Variants in ATP6V1A observed in about 807,000 individuals in gnomAD.
The protein encoded by ATP6V1A is V-type proton ATPase catalytic subunit A.
Under a neutral mutation model 70.1 loss-of-function variants are expected in ATP6V1A, and 18 were observed. That is an observed-to-expected ratio of 0.26 (90% CI 0.18 to 0.38). The LOEUF (loss-of-function observed/expected upper bound fraction) is 0.38. Among genes scored for constraint, ATP6V1A ranks in the 10% least tolerant of loss-of-function variants. The pLI, the probability that ATP6V1A is intolerant of heterozygous loss-of-function variation, is 1.00. For synonymous variants in ATP6V1A, 232 were observed against 253.8 expected (o/e 0.91, Z 0.82); for missense variants, 424 against 772.4 (o/e 0.55, Z 5.35).
chr3:113,754,669 A>G (rs539905824), intron 1 of ATP6V1A, among the ~76,000 whole-genome samples: 2 of 152,344 alleles, frequency 1.3e-5, no homozygotes, highest in East Asian at 3.9e-4. Context: ...CTTAGAGTGT[A>G]GAGCACATTG....
intron 14 of ATP6V1A, among the ~76,000 whole-genome samples, chr3:113,806,255 A>G (rs1577097586): frequency 1.3e-5 from 2 of 152,136 alleles, no homozygotes; most frequent in South Asian, 4.1e-4. Context: ...GTCTCAAAAA[A>G]CAAAAAAAAT....
In ATP6V1A at chr3:113,750,509, A is replaced by C. The variant is rs75159373; in HGVS notation, c.-14+3396A>C. Among the ~76,000 whole-genome samples the C allele has an allele frequency of 5.7e-3, 865 of 152,204 alleles. 4 individuals carry two copies. The highest frequency in any genetic ancestry group is 8.9e-3 in the Non-Finnish European group (608 of 67,994). On this transcript the variant is annotated intron_variant, in intron 1 of 14. Transcript: ENST00000273398. ...AAAAAACAAAAACAAAAACAAAAAA[A>C]ACTAAGTGGTGTGTAAAATGGTAAA...
intron 1 of ATP6V1A, among the ~76,000 whole-genome samples, chr3:113,773,953 C>A (rs374006433): frequency 1.8e-4 from 27 of 152,146 alleles, no homozygotes; most frequent in African/African-American, 5.8e-4. Context: ...TGTCTTACTT[C>A]ATTATATTTT....
rs1169241619 is a variant in ATP6V1A, at chr3:113,810,050, T to G, written c.*623T>G. The G allele has an allele frequency of 6.6e-6, 1 of 151,040 alleles. No individual in the cohort carries two copies. The highest frequency in any genetic ancestry group is 2.4e-5 in the African/African-American group (1 of 41,230). 9.4% of individuals were successfully genotyped at this position (151,040 alleles called of 1,614,324 possible). A position where few individuals can be genotyped will look rare whatever the true frequency, so the allele number is the denominator to read the frequency against. On this transcript the variant is annotated 3_prime_UTR_variant, in exon 15 of 15. Coordinates refer to ENST00000273398, the MANE Select transcript of ATP6V1A (RefSeq NM_001690.4). ...TTTTATTTTTTATTTTTTTTATTAT[T>G]TTTTTTTTGGGGACGGAGTGTCCCT...
intron 1 of ATP6V1A, among the ~76,000 whole-genome samples, chr3:113,755,518 T>C (rs182964341): frequency 6.6e-6 from 1 of 152,090 alleles, no homozygotes; most frequent in East Asian, 1.9e-4. Flanking sequence ...GGAGGATTGC[T>C]TGAGCCTGGG....
chr3:113,759,665 T>G (rs766548773), intron 1 of ATP6V1A, among the ~76,000 whole-genome samples: 18 of 152,206 alleles, frequency 1.2e-4, no homozygotes, highest in Non-Finnish European at 1.8e-4. Context: ...TCTGTGATGG[T>G]AATATTTGGA....
intron 1 of ATP6V1A, among the ~76,000 whole-genome samples, chr3:113,759,304 C>A (rs1373371151): frequency 1.3e-5 from 1 of 78,522 alleles, no homozygotes; most frequent in African/African-American, 4.9e-5. Flanking sequence ...TTTTTTTTTG[C>A]ATTTTATGTA....
rs1230646299 is a variant in ATP6V1A, at chr3:113,809,376, T to C, written c.1803T>C (p.Tyr601=). 1.2e-6 allele frequency: 2 copies of C among 1,614,010 alleles called. No homozygotes were observed. The highest frequency in any genetic ancestry group is 8.5e-7 in the Non-Finnish European group (1 of 1,179,896). ...GTGAGGCAAAGATCAAAAGCGACTATGCACAACTTCTTGAAGACATGCAGA... is the reference window on the plus strand; with the variant it reads ...GTGAGGCAAAGATCAAAAGCGACTACGCACAACTTCTTGAAGACATGCAGA... ...KDGEAKIKSD[Y]AQLLEDMQNA... The change falls in exon 15 of 15, where the codon TAT becomes TAC. Residue 601 remains tyrosine (Y), a synonymous_variant. Coordinates refer to ENST00000273398, the MANE Select transcript of ATP6V1A (RefSeq NM_001690.4).
In ATP6V1A at chr3:113,777,735, G is replaced by A. The variant is rs185789591; in HGVS notation, c.-13-1006G>A. The stretch of plus-strand genomic sequence containing the variant: ...ACCATTACACTCCTGCCAAATCGAC[G>A]GAGACAGACTGTGTTAGAAAAAAAG... On this transcript the variant is annotated intron_variant, in intron 1 of 14. Transcript: ENST00000273398. Among the ~76,000 whole-genome samples the A allele has an allele frequency of 2.0e-4, 30 of 152,246 alleles. 1 individual carries two copies. Among genetic ancestry groups the A allele is most frequent in the South Asian group, 6.2e-4 (3 of 4,828 alleles).
At chr3:113,794,773 G>C in intron 8 of ATP6V1A, 99 bp from the exon 9 acceptor site, 3 of 1,381,314 alleles carry the variant, frequency 2.2e-6, no homozygotes, top group Middle Eastern at 2.6e-4. Context: ...AGCAGTCTAC[G>C]TTGTGTACTT....
chr3:113,800,077 A>C (rs1709193136), intron 12 of ATP6V1A, among the ~76,000 whole-genome samples: 1 of 151,952 alleles, frequency 6.6e-6, no homozygotes, highest in South Asian at 2.1e-4. Context: ...CTAAAAATAC[A>C]AAAAATTAGC....
intron 6 of ATP6V1A, among the ~76,000 whole-genome samples, chr3:113,787,169 T>C (rs1375483562): frequency 6.6e-6 from 1 of 152,088 alleles, no homozygotes; most frequent in African/African-American, 2.4e-5. Flanking sequence ...GGAAAGAAAA[T>C]AGTACAGAAT....
intron 1 of ATP6V1A, among the ~76,000 whole-genome samples, chr3:113,761,364 G>A (rs1708703117): frequency 1.3e-5 from 2 of 151,518 alleles, no homozygotes; most frequent in Admixed American, 1.3e-4. Context: ...TAGTTTAGCT[G>A]CTCATGATTT....
intron 1 of ATP6V1A, among the ~76,000 whole-genome samples, chr3:113,762,861 T>C (rs931241905): frequency 3.3e-5 from 5 of 152,154 alleles, no homozygotes; most frequent in Non-Finnish European, 7.3e-5. Context: ...TATTGCAGTA[T>C]AACAATAAAC....
chr3:113,761,024 G>A (rs1021866868), intron 1 of ATP6V1A, among the ~76,000 whole-genome samples: 10 of 150,362 alleles, frequency 6.7e-5, no homozygotes, highest in Admixed American at 4.0e-4. Flanking sequence ...CCTAAATCGC[G>A]CCACTGCACT....
Position 113,756,964 on chromosome 3 carries a change from C to T in ATP6V1A, c.-14+9851C>T, listed in dbSNP as rs142301273. On this transcript the variant is annotated intron_variant, in intron 1 of 14. Coordinates refer to ENST00000273398, the MANE Select transcript of ATP6V1A (RefSeq NM_001690.4). ...TCGTAGGTAATGCAAAATGAGGTAG[C>T]GAGGAGCTTTATTTAGATGAGTTAT... Among the ~76,000 whole-genome samples, 85 of 152,162 alleles carry T rather than the reference C, an allele frequency of 5.6e-4. No homozygotes were observed. In the East Asian group the frequency reaches 0.012, roughly 21 times the overall value.
chr3:113,769,957 AT>A (rs1708816289), intron 1 of ATP6V1A, among the ~76,000 whole-genome samples: 1 of 152,174 alleles, frequency 6.6e-6, no homozygotes, highest in Non-Finnish European at 1.5e-5. Flanking sequence ...ATAATCATTG[AT>A]TTGATTTTTC....
intron 1 of ATP6V1A, among the ~76,000 whole-genome samples, chr3:113,752,766 A>G (rs1201581940): frequency 6.6e-6 from 1 of 152,142 alleles, no homozygotes; most frequent in Non-Finnish European, 1.5e-5. Flanking sequence ...GCACATATAT[A>G]TCATAAATGT....
At chr3:113,778,275 T>C (rs913681307) in intron 1 of ATP6V1A, among the ~76,000 whole-genome samples, 1 of 152,144 alleles carries the variant, frequency 6.6e-6, no homozygotes, top group African/African-American at 2.4e-5. Context: ...GCACCTGTAA[T>C]TCCAGCTACC....
Sources: gnomAD v4.1 joint callset for allele counts (sites outside exome capture counted in the v4.1 genomes callset) on GRCh38, gnomAD v4.1.1 for gene constraint, MANE v1.5 for transcripts, NCBI Gene and HGNC (gene_info 2026-07-23, HGNC 2026-07-21) for gene names.